Variants in FOCAD observed in about 807,000 individuals in gnomAD.
FOCAD encodes the protein focadhesin, also known as KIAA1797.
Under a neutral mutation model 225.6 loss-of-function variants are expected in FOCAD, and 198 were observed. The observed-to-expected ratio is 0.88, with a 90% CI of 0.78 to 0.99. The LOEUF (loss-of-function observed/expected upper bound fraction) is 0.99. Ranked by LOEUF, FOCAD falls within the 50% of genes least tolerant of loss-of-function variation. The pLI is 0.00. For missense variants in FOCAD, 2,713 were observed against 2,123.6 expected, an observed-to-expected ratio of 1.28 and a Z score of -5.46; for synonymous variants, 897 against 755.0, an observed-to-expected ratio of 1.19 and a Z score of -3.08.
chr9:20,662,036 A>T (rs895256028), intron 2 of FOCAD, among the ~76,000 whole-genome samples: 1 of 152,222 alleles, frequency 6.6e-6, no homozygotes, highest in South Asian at 2.1e-4. Flanking sequence ...ATGGGGAATT[A>T]TGAATATGTA....
intron 39 of FOCAD, among the ~76,000 whole-genome samples, chr9:20,985,338 A>C (rs1457526531): frequency 1.3e-5 from 2 of 152,204 alleles, no homozygotes; most frequent in Non-Finnish European, 2.9e-5. Context: ...TAGCACTACC[A>C]ATCTCATCAG....
At chr9:20,958,677 G>C (rs551524046) in intron 35 of FOCAD, among the ~76,000 whole-genome samples, 163 of 152,074 alleles carry the variant, frequency 1.1e-3, no homozygotes, top group Non-Finnish European at 1.9e-3. Context: ...GTCTCTCCTT[G>C]TCTCTTTCTT....
At chr9:20,820,566 A>G (rs1824213232) in intron 13 of FOCAD, 141 bp downstream of exon 13, 1 of 632,948 alleles carries the variant, frequency 1.6e-6, no homozygotes, top group Non-Finnish European at 2.7e-6. Flanking sequence ...GTTTTGATTT[A>G]TTGTGATGCA....
intron 22 of FOCAD, among the ~76,000 whole-genome samples, chr9:20,908,427 G>A (rs1833163381): frequency 6.6e-6 from 1 of 152,048 alleles, no homozygotes; most frequent in Admixed American, 6.6e-5. Context: ...AAACACTAAT[G>A]TATCTTCAGA....
At chr9:20,913,777 G>A (rs988598107) in intron 23 of FOCAD, among the ~76,000 whole-genome samples, 1 of 152,026 alleles carries the variant, frequency 6.6e-6, no homozygotes, top group South Asian at 2.1e-4. Context: ...AGGATTAGAG[G>A]GTTTTGTATC....
At chr9:20,844,874 A>G (rs1324219566) in intron 15 of FOCAD, among the ~76,000 whole-genome samples, 1 of 151,830 alleles carries the variant, frequency 6.6e-6, no homozygotes, top group East Asian at 1.9e-4. Flanking sequence ...CTTTCGTGAA[A>G]TTTTCCTATC....
At chr9:20,827,102 G>C (rs1824975360) in intron 15 of FOCAD, among the ~76,000 whole-genome samples, 2 of 152,002 alleles carry the variant, frequency 1.3e-5, no homozygotes, top group South Asian at 2.1e-4. Flanking sequence ...ATGAGTTTAA[G>C]TATATTCAGA....
chr9:20,757,340 G>A (rs1478822841), intron 5 of FOCAD, among the ~76,000 whole-genome samples: 1 of 152,126 alleles, frequency 6.6e-6, no homozygotes, highest in Admixed American at 6.5e-5. Context: ...TATTAGTAGA[G>A]TAGCCTTTTT....
At chr9:20,712,078 C>G (rs919780525) in intron 1 of FOCAD, among the ~76,000 whole-genome samples, 1 of 152,146 alleles carries the variant, frequency 6.6e-6, no homozygotes, top group Non-Finnish European at 1.5e-5. Flanking sequence ...CTCTTATGTT[C>G]TTTAATAATA....
chr9:20,867,795 T>C (rs1396669756), intron 18 of FOCAD, among the ~76,000 whole-genome samples: 5 of 152,008 alleles, frequency 3.3e-5, no homozygotes, highest in African/African-American at 1.2e-4. Flanking sequence ...AATCTGTCTT[T>C]GAAGTTACGT....
At chr9:20,793,652 G>C (rs1820771704) in intron 11 of FOCAD, among the ~76,000 whole-genome samples, 1 of 152,174 alleles carries the variant, frequency 6.6e-6, no homozygotes, top group Non-Finnish European at 1.5e-5. Flanking sequence ...AGTTTGAGGA[G>C]AAGGAGTCCA....
At chr9:20,856,975 G>C (rs1184943452) in intron 15 of FOCAD, among the ~76,000 whole-genome samples, 1 of 120,874 alleles carries the variant, frequency 8.3e-6, no homozygotes, top group Non-Finnish European at 1.8e-5. Context: ...ATACCATGCT[G>C]TTTTGGTTAC....
intron 5 of FOCAD, among the ~76,000 whole-genome samples, chr9:20,747,329 A>G (rs1002869033): frequency 6.6e-6 from 1 of 151,568 alleles, no homozygotes; most frequent in African/African-American, 2.4e-5. Context: ...TCCAAGTTAA[A>G]TTTTTTTTTA....
In FOCAD at chr9:20,705,614, T is replaced by C. The variant is rs186639998; in HGVS notation, c.-32-9708T>C. 2.9e-3 allele frequency among the ~76,000 whole-genome samples: 443 copies of C among 152,232 alleles called. 1 individual carries two copies. The highest frequency in any genetic ancestry group is 0.01 in the African/African-American group (422 of 41,564). ...TTAGGTATCAGTTTTATTTTAAATATACTGTAAATATTTTATATGAACATG... is the reference window on the plus strand; with the variant it reads ...TTAGGTATCAGTTTTATTTTAAATACACTGTAAATATTTTATATGAACATG... On this transcript the variant is annotated intron_variant, in intron 1 of 43. Transcript: ENST00000338382.
At chr9:20,911,736 A>G (rs916736412) in intron 22 of FOCAD, among the ~76,000 whole-genome samples, 1 of 152,182 alleles carries the variant, frequency 6.6e-6, no homozygotes, top group Non-Finnish European at 1.5e-5. Flanking sequence ...CACAGCCAGT[A>G]GGTGTAAATG....
chr9:20,765,128 T>G, intron 7 of FOCAD, 55 bp downstream of exon 7: 1 of 1,483,496 alleles, frequency 6.7e-7, no homozygotes, highest in South Asian at 1.3e-5. Context: ...AGTGTTGTTA[T>G]TGTCATAGAC....
chr9:20,716,125 G>A (rs1825311154), intron 2 of FOCAD: 3 of 480,646 alleles, frequency 6.2e-6, no homozygotes, highest in Non-Finnish European at 9.0e-6. Context: ...TGGGTAGTGG[G>A]GAACCCTTCC....
chr9:20,836,708 C>T (rs1191790468), intron 15 of FOCAD, among the ~76,000 whole-genome samples: 1 of 151,888 alleles, frequency 6.6e-6, no homozygotes, highest in African/African-American at 2.4e-5. Context: ...TGTCACCCTG[C>T]AAGTAGATTT....
At chr9:20,767,038 T>C (rs995194258) in intron 7 of FOCAD, among the ~76,000 whole-genome samples, 6 of 151,534 alleles carry the variant, frequency 4.0e-5, no homozygotes, top group African/African-American at 1.2e-4. Flanking sequence ...TGTGATCTCA[T>C]TGTTCAATTC....
Sources: allele counts gnomAD v4.1 joint callset (sites outside exome capture counted in the v4.1 genomes callset), GRCh38; gene constraint gnomAD v4.1.1; transcripts MANE v1.5; gene names NCBI Gene and HGNC (gene_info 2026-07-23, HGNC 2026-07-21).